CATSPERB: variants seen among roughly 807,000 people sequenced by gnomAD.
CATSPERB encodes cation channel sperm-associated auxiliary subunit beta.
In CATSPERB, 93 loss-of-function variants were observed where a neutral mutation model predicts 128.3. The ratio of observed to expected loss-of-function variants is 0.72; its 90% CI spans 0.61 to 0.86. CATSPERB has a LOEUF of 0.86. Among genes scored for constraint, CATSPERB ranks in the 40% least tolerant of loss-of-function variants. The pLI, the probability that CATSPERB is intolerant of heterozygous loss-of-function variation, is 0.00. For missense variants in CATSPERB, 1,153 were observed against 1,329.5 expected, an observed-to-expected ratio of 0.87 and a Z score of 2.06; for synonymous variants, 381 against 448.8, an observed-to-expected ratio of 0.85 and a Z score of 1.91.
intron 26 of CATSPERB, among the ~76,000 whole-genome samples, chr14:91,583,230 A>T (rs750976932): frequency 2.0e-5 from 3 of 152,200 alleles, no homozygotes; most frequent in Admixed American, 2.0e-4. Flanking sequence ...CATCCTGGCT[A>T]ACATGGTGAA....
At chr14:91,647,013 G>A (rs1419035745) in intron 15 of CATSPERB, among the ~76,000 whole-genome samples, 1 of 152,172 alleles carries the variant, frequency 6.6e-6, no homozygotes, top group East Asian at 1.9e-4. Flanking sequence ...AAGGTCAGGA[G>A]GTGGACACCA....
intron 7 of CATSPERB, among the ~76,000 whole-genome samples, chr14:91,699,550 AGCC>A (rs1895613149): frequency 1.3e-5 from 2 of 152,054 alleles, no homozygotes; most frequent in Non-Finnish European, 2.9e-5. Context: ...CCAGGAATGA[AGCC>A]TACTTGATCA....
chr14:91,624,505 G>A (rs557907996), intron 18 of CATSPERB, among the ~76,000 whole-genome samples: 23 of 152,254 alleles, frequency 1.5e-4, no homozygotes, highest in African/African-American at 5.5e-4. Context: ...GCTGGGTGTG[G>A]TGGCACATGC....
Position 91,725,278 on chromosome 14 carries a change from T to C in CATSPERB, c.80-110A>G, listed in dbSNP as rs3814836. On this transcript the variant is annotated intron_variant, in intron 2 of 26. Transcript: ENST00000256343. ...ATTTTTAAGGAATAAGAATTATAAT[T>C]GCACATTTTAAATTCACTTTAGGTA... is the stretch of plus-strand genomic sequence containing the variant. The C allele has an allele frequency of 1.7e-3, 810 of 472,198 alleles. 22 individuals carry two copies. In the East Asian group the frequency reaches 0.022, roughly 13 times the overall value. 29.3% of individuals were successfully genotyped at this position (472,198 alleles called of 1,614,324 possible). A position where few individuals can be genotyped will look rare whatever the true frequency, so the allele number is the denominator to read the frequency against.
intron 4 of CATSPERB, among the ~76,000 whole-genome samples, chr14:91,721,497 T>C (rs940004086): frequency 4.6e-5 from 7 of 152,082 alleles, no homozygotes; most frequent in African/African-American, 1.4e-4. Flanking sequence ...ATTTGGGAAA[T>C]TAAAATCAAA....
intron 15 of CATSPERB, among the ~76,000 whole-genome samples, chr14:91,653,930 A>G (rs1296998554): frequency 6.6e-6 from 1 of 152,230 alleles, no homozygotes; most frequent in Non-Finnish European, 1.5e-5. Context: ...TCCTATCTAA[A>G]TGAGGTGAAG....
intron 24 of CATSPERB, 97 bp downstream of exon 24, chr14:91,589,437 C>G: frequency 8.0e-7 from 1 of 1,246,922 alleles, no homozygotes. Flanking sequence ...TCCTGGCTCT[C>G]TTTTGTGTGA....
intron 20 of CATSPERB, among the ~76,000 whole-genome samples, chr14:91,616,173 A>C (rs929997344): frequency 1.3e-5 from 2 of 152,112 alleles, no homozygotes; most frequent in African/African-American, 4.8e-5. Context: ...GAGCCACTGC[A>C]CCTGGCTGTA....
At chr14:91,668,148 T>A (rs1334805129) in intron 14 of CATSPERB, among the ~76,000 whole-genome samples, 2 of 152,084 alleles carry the variant, frequency 1.3e-5, no homozygotes, top group African/African-American at 4.8e-5. Flanking sequence ...CCCAACAGCA[T>A]TTGGGGTGTC....
chr14:91,582,845 TGTTA>T (rs1397033850), intron 26 of CATSPERB, among the ~76,000 whole-genome samples: 1 of 152,132 alleles, frequency 6.6e-6, no homozygotes, highest in Non-Finnish European at 1.5e-5. Flanking sequence ...ACTCTTCAAT[TGTTA>T]GTGTTTCCTC....
chr14:91,602,517 C>A (rs1160001057), intron 22 of CATSPERB, among the ~76,000 whole-genome samples: 1 of 151,828 alleles, frequency 6.6e-6, no homozygotes, highest in Non-Finnish European at 1.5e-5. Context: ...ACAAAAAAAT[C>A]CACGAGAGTA....
intron 4 of CATSPERB, among the ~76,000 whole-genome samples, chr14:91,722,311 G>A (rs1896048764): frequency 6.6e-6 from 1 of 152,098 alleles, no homozygotes; most frequent in Admixed American, 6.5e-5. Context: ...CTGATAAATG[G>A]ATAAACAAAA....
intron 14 of CATSPERB, among the ~76,000 whole-genome samples, chr14:91,662,085 A>T (rs1234577851): frequency 6.6e-6 from 1 of 152,120 alleles, no homozygotes; most frequent in Admixed American, 6.5e-5. Context: ...TAATATAATG[A>T]ACTGTGTGAA....
chr14:91,618,954 C>T (rs1173348542), intron 19 of CATSPERB, among the ~76,000 whole-genome samples: 1 of 152,176 alleles, frequency 6.6e-6, no homozygotes, highest in African/African-American at 2.4e-5. Context: ...TCAGGGACCA[C>T]ACCTTCAGTA....
intron 15 of CATSPERB, among the ~76,000 whole-genome samples, chr14:91,647,887 T>A (rs1894633501): frequency 6.6e-6 from 1 of 152,192 alleles, no homozygotes; most frequent in African/African-American, 2.4e-5. Context: ...CTTTTCAGGT[T>A]ATCAATTTAA....
intron 14 of CATSPERB, 120 bp downstream of exon 14, chr14:91,669,694 T>C: frequency 2.1e-6 from 2 of 930,662 alleles, no homozygotes; most frequent in Non-Finnish European, 3.1e-6. Flanking sequence ...AAATATTGTC[T>C]TCCCTCCCAC....
chr14:91,725,294 A>C (rs1377658322), intron 2 of CATSPERB, 126 bp from the exon 3 acceptor site: 2 of 446,682 alleles, frequency 4.5e-6, no homozygotes, highest in African/African-American at 2.0e-5. Flanking sequence ...TTTTAAATTC[A>C]CTTTAGGTAA....
rs3029803 is a variant in CATSPERB, at chr14:91,587,477, C to CTTTTTTTTTTTTTTTTTTTTTT, written c.3058-223_3058-202dup. Among the ~76,000 whole-genome samples, 18 of 101,536 alleles carry CTTTTTTTTTTTTTTTTTTTTTT rather than the reference C, an allele frequency of 1.8e-4. 1 individual carries two copies. The highest frequency in any genetic ancestry group is 3.6e-4 in the South Asian group (1 of 2,812). 66.6% of individuals were successfully genotyped at this position (101,536 alleles called of 152,430 possible). ...AAGTGGAGGGATTCAATAGCTGATA[C>CTTTTTTTTTTTTTTTTTTTTTT]TTTTTTTTTTTTTTTTTTTTTTTTT... On this transcript the variant is annotated intron_variant, in intron 25 of 26. Transcript: ENST00000256343.
At chr14:91,603,030 A>G (rs1893633518) in intron 22 of CATSPERB, 1 of 779,178 alleles carries the variant, frequency 1.3e-6, no homozygotes, top group Non-Finnish European at 2.4e-6. Flanking sequence ...TTAGTGAGTG[A>G]TGTGCCTTTG....
Sources: gnomAD v4.1 joint callset for allele counts (sites outside exome capture counted in the v4.1 genomes callset) on GRCh38, gnomAD v4.1.1 for gene constraint, MANE v1.5 for transcripts, NCBI Gene and HGNC (gene_info 2026-07-23, HGNC 2026-07-21) for gene names.